Variants in ARFGEF2 observed in about 807,000 individuals in gnomAD.
ARFGEF2 encodes brefeldin A-inhibited guanine nucleotide-exchange protein 2.
A neutral mutation model predicts 219.9 loss-of-function variants in ARFGEF2; 74 were observed. The observed-to-expected ratio is 0.34, with a 90% CI of 0.28 to 0.41. ARFGEF2 has a LOEUF of 0.41. ARFGEF2 is among the 10% of genes least tolerant of loss of function. The pLI is 1.00. For synonymous variants in ARFGEF2, 733 were observed against 799.2 expected, an observed-to-expected ratio of 0.92 and a Z score of 1.40; for missense variants, 1,743 against 2,218.3, an observed-to-expected ratio of 0.79 and a Z score of 4.30.
intron 1 of ARFGEF2, among the ~76,000 whole-genome samples, chr20:48,924,642 T>G (rs1047681968): frequency 2.0e-5 from 3 of 152,152 alleles, no homozygotes; most frequent in African/African-American, 7.2e-5. Context: ...GGCTCAAAGT[T>G]GAAATGCTTG....
At chr20:48,979,721 G>A (rs901007389) in intron 14 of ARFGEF2, among the ~76,000 whole-genome samples, 2 of 152,160 alleles carry the variant, frequency 1.3e-5, no homozygotes, top group African/African-American at 4.8e-5. Flanking sequence ...TATGTGTCGA[G>A]GAATTTATCC....
At chr20:48,989,967 G>A (rs1056435915) in intron 20 of ARFGEF2, among the ~76,000 whole-genome samples, 2 of 152,154 alleles carry the variant, frequency 1.3e-5, no homozygotes, top group African/African-American at 2.4e-5. Flanking sequence ...ATCACCTGAA[G>A]TTGGGAGTTC....
intron 25 of ARFGEF2, among the ~76,000 whole-genome samples, chr20:49,002,157 G>T (rs1165684621): frequency 6.6e-6 from 1 of 152,188 alleles, no homozygotes; most frequent in East Asian, 1.9e-4. Flanking sequence ...AGACTATCTC[G>T]AACCCGGGGG....
chr20:48,945,471 C>G (rs1268118812), intron 3 of ARFGEF2, among the ~76,000 whole-genome samples: 1 of 152,172 alleles, frequency 6.6e-6, no homozygotes, highest in Non-Finnish European at 1.5e-5. Context: ...TCTGGAACTC[C>G]TTGCATCTGA....
At chr20:48,963,639 C>T (rs925582279) in intron 6 of ARFGEF2, among the ~76,000 whole-genome samples, 191 bp from the exon 7 acceptor site, 1 of 152,218 alleles carries the variant, frequency 6.6e-6, no homozygotes, top group Non-Finnish European at 1.5e-5. Context: ...AAAAGCAGAA[C>T]AGATGCTGCC....
At chr20:49,027,845 A>G (rs1241420758) in intron 36 of ARFGEF2, among the ~76,000 whole-genome samples, 2 of 152,218 alleles carry the variant, frequency 1.3e-5, no homozygotes, top group Non-Finnish European at 2.9e-5. Context: ...AAAATGTTTC[A>G]GGCCAGGCTC....
At chr20:48,985,886 A>G (rs1379206196) in intron 16 of ARFGEF2, among the ~76,000 whole-genome samples, 1 of 152,172 alleles carries the variant, frequency 6.6e-6, no homozygotes, top group African/African-American at 2.4e-5. Context: ...AGCAACTATA[A>G]AAGAGTAGTT....
At chr20:49,003,326 C>T (rs968078945) in intron 25 of ARFGEF2, among the ~76,000 whole-genome samples, 7 of 151,268 alleles carry the variant, frequency 4.6e-5, no homozygotes, top group South Asian at 2.1e-4. Context: ...AAACATTGGC[C>T]GGGCACGGTG....
chr20:49,011,842 T>C, intron 27 of ARFGEF2, 82 bp from the exon 28 acceptor site: 1 of 1,346,554 alleles, frequency 7.4e-7, no homozygotes. Context: ...TGTGTGTGTG[T>C]GTGTGTGTGC....
At chr20:48,927,802 G>A (rs758230561) in intron 1 of ARFGEF2, among the ~76,000 whole-genome samples, 7 of 152,068 alleles carry the variant, frequency 4.6e-5, no homozygotes, top group East Asian at 1.9e-4. Context: ...GAGACATTTC[G>A]TTTATAAGTG....
In ARFGEF2 at chr20:48,998,209, A is replaced by G. The variant is rs771471974; in HGVS notation, c.3238A>G (p.Thr1080Ala). 5 of 1,613,992 alleles carry G rather than the reference A, an allele frequency of 3.1e-6. No individual in the cohort carries two copies. Among genetic ancestry groups the G allele is most frequent in the African/African-American group, 1.3e-5 (1 of 74,918 alleles). Reference sequence around the variant, plus strand: ...TCTTCCTAGGATTTTTACTGGGTCTACCAGACTGGATGGAAATGCAATAGG... The same window carrying G: ...TCTTCCTAGGATTTTTACTGGGTCTGCCAGACTGGATGGAAATGCAATAGG... ...VAVDRIFTGS[T>A]RLDGNAIVDF... The change falls in exon 24 of 39, where the codon ACC becomes GCC. Residue 1080 changes from threonine to alanine, a missense_variant. By Grantham distance (58) the Thr-to-Ala change is moderately conservative (BLOSUM62 0). Around this residue, in one of 5 missense-constraint regions of ARFGEF2, gnomAD observed 666 missense variants for 955.4 expected, o/e 0.70. Transcript: ENST00000371917.
chr20:49,022,712 CA>C (rs1464280359), intron 34 of ARFGEF2, among the ~76,000 whole-genome samples: 2 of 152,204 alleles, frequency 1.3e-5, no homozygotes, highest in Non-Finnish European at 2.9e-5. Context: ...TACCTATCAT[CA>C]ATATTTAATA....
chr20:49,006,919 A>T (rs1408216203), intron 26 of ARFGEF2, among the ~76,000 whole-genome samples: 1 of 150,372 alleles, frequency 6.7e-6, no homozygotes, highest in Non-Finnish European at 1.5e-5. Context: ...TGACCTCATG[A>T]TCCGCCCACC....
In ARFGEF2 at chr20:48,989,580, G is replaced by A. The variant is rs1174925065; in HGVS notation, c.2710G>A (p.Ala904Thr). Residue 904 changes from alanine (A) to threonine (T), a missense_variant, in exon 20 of 39, where the codon GCC becomes ACC. Physicochemically the swap from Ala to Thr is moderately conservative, Grantham distance 58. Around this residue, in one of 5 missense-constraint regions of ARFGEF2, gnomAD observed 666 missense variants for 955.4 expected, o/e 0.70. Coordinates refer to ENST00000371917, the MANE Select transcript of ARFGEF2 (RefSeq NM_006420.3). The stretch of plus-strand genomic sequence containing the variant: ...GCTGGTGTGGACGCCACTATTGGCA[G>A]CCTACAGCATCGGACTCCAGAACTG... Reference protein sequence around the residue: ...FKLVWTPLLAAYSIGLQNCDD... With the variant: ...FKLVWTPLLATYSIGLQNCDD... 6.2e-7 allele frequency: 1 copy of A among 1,614,128 alleles called. No homozygotes were observed. Among genetic ancestry groups the A allele is most frequent in the African/African-American group, 1.3e-5 (1 of 74,954 alleles).
Position 48,951,384 on chromosome 20 carries a change from G to A in ARFGEF2, c.338G>A (p.Arg113Gln), listed in dbSNP as rs143956045. The A allele has an allele frequency of 1.0e-4, 161 of 1,614,190 alleles. 1 individual carries two copies. The East Asian group carries it at 3.3e-3, about 33-fold the overall frequency. The change falls in exon 4 of 39, where the codon CGG (arginine) becomes CAG (glutamine). Residue 113 changes from arginine to glutamine, a missense_variant. Transcript: ENST00000371917. Reference sequence around the variant, plus strand: ...CCTGACAGTGGAGCCCCTGGGAAGCGGCTGATCGACAGAATTGTTGAAACC... The same window carrying A: ...CCTGACAGTGGAGCCCCTGGGAAGCAGCTGATCGACAGAATTGTTGAAACC... ...NAPDSGAPGK[R>Q]LIDRIVETIC... is the part of the protein sequence containing the mutation.
chr20:49,036,437 T>C lies in ARFGEF2; in HGVS notation c.*3238T>C. On this transcript the variant is annotated 3_prime_UTR_variant, in exon 39 of 39. Coordinates refer to ENST00000371917, the MANE Select transcript of ARFGEF2 (RefSeq NM_006420.3). ...ATATTTATGTGTAAAATGTATGTTT[T>C]ACCTCCTTAAAATGCCTAAAAGTTA... 1 of 391,980 alleles carries C rather than the reference T, an allele frequency of 2.6e-6. No homozygotes were observed. The highest frequency in any genetic ancestry group is 3.6e-5 in the East Asian group (1 of 27,622). 24.3% of individuals were successfully genotyped at this position (391,980 alleles called of 1,614,324 possible).
chr20:48,976,122 G>A lies in ARFGEF2; in HGVS notation c.1881G>A (p.Gln627=). 6.2e-7 allele frequency: 1 copy of A among 1,613,924 alleles called. No individual in the cohort carries two copies. ...SMESTVSSGT[Q]TTVQDDPEQF... is the part of the protein sequence containing the mutation. ...AGTCCACAGTGTCCTCGGGGACCCAGACAACTGTTCAGGATGACCCTGAGC... is the reference window on the plus strand; with the variant it reads ...AGTCCACAGTGTCCTCGGGGACCCAAACAACTGTTCAGGATGACCCTGAGC... The change falls in exon 14 of 39, where the codon CAG becomes CAA. Residue 627 remains glutamine (Q), a synonymous_variant. Coordinates refer to ENST00000371917, the MANE Select transcript of ARFGEF2 (RefSeq NM_006420.3).
At chr20:48,941,274 A>T in intron 2 of ARFGEF2, 45 bp downstream of exon 2, 1 of 1,597,018 alleles carries the variant, frequency 6.3e-7, no homozygotes, top group Non-Finnish European at 8.6e-7. Context: ...GCATGAAGGG[A>T]GTAGGTAGCA....
chr20:49,010,434 G>A (rs758514601), intron 27 of ARFGEF2, 30 bp downstream of exon 27: 30 of 1,610,880 alleles, frequency 1.9e-5, no homozygotes, highest in Non-Finnish European at 2.3e-5. Flanking sequence ...CCCTACTAAT[G>A]TCCCACCTGC....
Sources: allele counts gnomAD v4.1 joint callset (sites outside exome capture counted in the v4.1 genomes callset), GRCh38; gene constraint gnomAD v4.1.1; regional missense constraint gnomAD v4.1.1; transcripts MANE v1.5; gene names NCBI Gene and HGNC (gene_info 2026-07-23, HGNC 2026-07-21).